The following MYH15 variants were observed in gnomAD, a reference collection of about 807,000 sequenced individuals.
The protein encoded by MYH15 is myosin-15.
In MYH15, 227 loss-of-function variants were observed where a neutral mutation model predicts 240.5. That is an observed-to-expected ratio of 0.94 (90% CI 0.85 to 1.05). MYH15 has a LOEUF of 1.05. Among genes scored for constraint, MYH15 ranks in the 50% least tolerant of loss-of-function variants. The probability of loss-of-function intolerance (pLI) is 0.00; values close to 1 mark genes in which losing one functional copy is unlikely to be tolerated. For synonymous variants in MYH15, 785 were observed against 796.7 expected, an observed-to-expected ratio of 0.99 and a Z score of 0.25; for missense variants, 2,217 against 2,247.5, an observed-to-expected ratio of 0.99 and a Z score of 0.27.
chr3:108,549,085 A>G, the MYH15 span, among the ~76,000 whole-genome samples: 1,015 of 152,168 alleles, frequency 6.7e-3, 12 homozygotes, highest in African/African-American at 0.023. Flanking sequence ...TACTTTGGAG[A>G]CAAACTCTCC....
chr3:108,550,965 G>A, the MYH15 span: 3 of 364,388 alleles, frequency 8.2e-6, no homozygotes, highest in Admixed American at 1.4e-4. Flanking sequence ...GTAAAACTTA[G>A]AAAATTAAAT....
At chr3:108,386,608 G>A (rs978294495) in intron 38 of MYH15, among the ~76,000 whole-genome samples, 4 of 151,798 alleles carry the variant, frequency 2.6e-5, no homozygotes, top group African/African-American at 4.8e-5. Context: ...ATAGTCTGAC[G>A]CTCTTCCCTT....
Position 108,437,689 on chromosome 3 carries a change from G to T in MYH15, c.3086C>A (p.Ala1029Asp), listed in dbSNP as rs1283823116. Residue 1029 changes from alanine (A) to aspartate (D), a missense_variant, in exon 25 of 41, where the codon GCC becomes GAC. Physicochemically the swap from Ala to Asp is moderately radical, Grantham distance 126. Transcript: ENST00000693548. ...LEQQVDELEG[A>D]LEQERKARMN... ...TCTCGCTTTTCTCTCCTGCTCAAGG[G>T]CACCCTCAAGCTGACAAAAGGAAAC... is the stretch of plus-strand genomic sequence containing the variant. 3 of 1,610,600 alleles carry T rather than the reference G, an allele frequency of 1.9e-6. No homozygotes were observed. The highest frequency in any genetic ancestry group is 1.7e-4 in the Middle Eastern group (1 of 6,042).
chr3:108,459,057 T>C (rs1311803780), intron 18 of MYH15, among the ~76,000 whole-genome samples: 1 of 152,202 alleles, frequency 6.6e-6, no homozygotes, highest in Non-Finnish European at 1.5e-5. Flanking sequence ...TAGTTTGTCC[T>C]TGTAGACAAT....
chr3:108,484,949 G>T, intron 11 of MYH15, 142 bp downstream of exon 11: 2 of 837,642 alleles, frequency 2.4e-6, no homozygotes, highest in Non-Finnish European at 3.7e-6. Context: ...GTAGTTGACA[G>T]AACCGTTTTT....
chr3:108,402,685 G>C (rs1448376547), intron 33 of MYH15, among the ~76,000 whole-genome samples: 1 of 152,218 alleles, frequency 6.6e-6, no homozygotes, highest in African/African-American at 2.4e-5. Context: ...CTCTGGGTGT[G>C]TCTGGGAGAG....
chr3:108,475,370 T>C (rs1363619521), intron 12 of MYH15, among the ~76,000 whole-genome samples: 6 of 152,180 alleles, frequency 3.9e-5, no homozygotes, highest in African/African-American at 1.2e-4. Context: ...AATAATACTG[T>C]GAATGCTTTA....
chr3:108,432,057 G>T (rs2085403), intron 25 of MYH15, among the ~76,000 whole-genome samples: 35,526 of 151,834 alleles, frequency 0.23, 4,694 homozygotes, highest in Non-Finnish European at 0.3. Flanking sequence ...AATGCATTCA[G>T]TTTTGTTTTG....
chr3:108,421,345 T>C lies in MYH15; in HGVS notation c.3703-131A>G, dbSNP rs571755610. ...TCTGTAGTAAAGAGCTCAGCCAGCA[T>C]TGGGAGATCACATCTTCTGATTTCA... On this transcript the variant is annotated intron_variant, in intron 27 of 40. Transcript: ENST00000693548. The C allele has an allele frequency of 1.0e-4, 111 of 1,062,774 alleles. 1 individual carries two copies. The highest frequency in any genetic ancestry group is 1.2e-4 in the Non-Finnish European group (93 of 747,338). 65.8% of individuals were successfully genotyped at this position (1,062,774 alleles called of 1,614,324 possible).
intron 27 of MYH15, among the ~76,000 whole-genome samples, chr3:108,422,463 G>C (rs139507202): frequency 6.6e-6 from 1 of 152,078 alleles, no homozygotes; most frequent in African/African-American, 2.4e-5. Flanking sequence ...TGATCCACCC[G>C]CCTCAGCTTC....
intron 1 of MYH15, among the ~76,000 whole-genome samples, chr3:108,508,480 C>T (rs2083495919): frequency 6.6e-6 from 1 of 152,194 alleles, no homozygotes; most frequent in Non-Finnish European, 1.5e-5. Flanking sequence ...GACTTCATCT[C>T]TTTTGGCCTT....
Position 108,408,147 on chromosome 3 carries a change from T to G in MYH15, c.4620+133A>C, listed in dbSNP as rs2082560056. The G allele has an allele frequency of 4.0e-6, 4 of 1,004,328 alleles. No homozygotes were observed. In the East Asian group the frequency reaches 1.0e-4, roughly 26 times the overall value. The allele number at this position is 1,004,328 out of a possible 1,614,324, so 62.2% of individuals were successfully genotyped here. A position where few individuals can be genotyped will look rare whatever the true frequency, so the allele number is the denominator to read the frequency against. On this transcript the variant is annotated intron_variant, in intron 32 of 40. Coordinates refer to ENST00000693548, the MANE Select transcript of MYH15 (RefSeq NM_014981.3). Reference sequence around the variant, plus strand: ...ACGGTGATTATATTAAAATTATGCATTTGGCAGAGTGCCTAGCATATAGTA... The same window carrying G: ...ACGGTGATTATATTAAAATTATGCAGTTGGCAGAGTGCCTAGCATATAGTA...
At chr3:108,545,577 T>C in the MYH15 span, among the ~76,000 whole-genome samples, 1 of 152,082 alleles carries the variant, frequency 6.6e-6, no homozygotes, top group African/African-American at 2.4e-5. Context: ...ACCAAACCAA[T>C]GTTTTAAAAC....
intron 21 of MYH15, among the ~76,000 whole-genome samples, chr3:108,446,088 C>G (rs1364867751): frequency 6.6e-6 from 1 of 152,132 alleles, no homozygotes; most frequent in Non-Finnish European, 1.5e-5. Context: ...GACCCAGACT[C>G]TAGGACCATC....
At position 108,442,455 on chromosome 3, in the gene MYH15, T is replaced by C. The variant is rs111504178; in HGVS notation, c.2656-1195A>G. Among the ~76,000 whole-genome samples, 33 of 152,302 alleles carry C rather than the reference T, an allele frequency of 2.2e-4. 1 individual carries two copies. The highest frequency in any genetic ancestry group is 6.7e-4 in the African/African-American group (28 of 41,562). On this transcript the variant is annotated intron_variant, in intron 22 of 40. Coordinates refer to ENST00000693548, the MANE Select transcript of MYH15 (RefSeq NM_014981.3). ...ATGCAAATCAGAGAAGCTTCCAATGTATGGGAAATAATGGGGACATTTTAT... is the reference window on the plus strand; with the variant it reads ...ATGCAAATCAGAGAAGCTTCCAATGCATGGGAAATAATGGGGACATTTTAT...
chr3:108,447,844 A>G (rs1276720206), intron 21 of MYH15, among the ~76,000 whole-genome samples: 2 of 151,024 alleles, frequency 1.3e-5, no homozygotes, highest in African/African-American at 4.9e-5. Flanking sequence ...TGGTGCATAA[A>G]TCACCTTTAA....
chr3:108,453,966 A>G (rs775903131), intron 21 of MYH15, 40 bp downstream of exon 21: 3 of 1,591,254 alleles, frequency 1.9e-6, no homozygotes, highest in Non-Finnish European at 2.6e-6. Flanking sequence ...GAGGCACACT[A>G]TTACCCTAGC....
rs537723723 is a variant in MYH15, at chr3:108,398,704, C to T, written c.5066G>A (p.Arg1689His). ...DLRSLQEQTE[R>H]GRRLSEEELL... ...CTCTTCTTCTGACAGCCTGCGGCCACGCTCTGTCTGCTCTTGCAGGGACCT... is the reference window on the plus strand; with the variant it reads ...CTCTTCTTCTGACAGCCTGCGGCCATGCTCTGTCTGCTCTTGCAGGGACCT... The change falls in exon 35 of 41, where the codon CGT (arginine) becomes CAT (histidine). Residue 1689 changes from arginine (R) to histidine (H), a missense_variant. Physicochemically the swap from Arg to His is conservative, Grantham distance 29 (BLOSUM62 0). Transcript: ENST00000693548. The T allele has an allele frequency of 3.0e-5, 49 of 1,614,032 alleles. No individual in the cohort carries two copies. The highest frequency in any genetic ancestry group is 8.8e-5 in the South Asian group (8 of 91,078).
intron 1 of MYH15, among the ~76,000 whole-genome samples, chr3:108,507,946 C>G (rs1392744241): frequency 6.6e-6 from 1 of 152,160 alleles, no homozygotes; most frequent in African/African-American, 2.4e-5. Flanking sequence ...CAAATGTTAT[C>G]ACTTGAAAGA....
Sources: gnomAD v4.1 joint callset for allele counts (sites outside exome capture counted in the v4.1 genomes callset) on GRCh38, gnomAD v4.1.1 for gene constraint, MANE v1.5 for transcripts, NCBI Gene and HGNC (gene_info 2026-07-23, HGNC 2026-07-21) for gene names.